The following STIM2 variants were observed in gnomAD, a reference collection of about 807,000 sequenced individuals.
STIM2 encodes the protein stromal interaction molecule 2.
Under a neutral mutation model 85.8 loss-of-function variants are expected in STIM2, and 31 were observed. The observed-to-expected ratio is 0.36, with a 90% CI of 0.27 to 0.49. The LOEUF is 0.49. STIM2 is among the 20% of genes least tolerant of loss of function. The pLI is 0.98. For missense variants in STIM2, 841 were observed against 927.6 expected (o/e 0.91, Z 1.21); for synonymous variants, 356 against 331.1 (o/e 1.08, Z -0.82).
chr4:26,994,327 A>G (rs1365250570), intron 3 of STIM2, among the ~76,000 whole-genome samples: 1 of 152,024 alleles, frequency 6.6e-6, no homozygotes, highest in East Asian at 1.9e-4. Context: ...AGTTAATGGT[A>G]GCACCCTCTG....
chr4:26,891,648 C>G (rs1723494079), intron 1 of STIM2, among the ~76,000 whole-genome samples: 2 of 151,988 alleles, frequency 1.3e-5, no homozygotes, highest in Non-Finnish European at 2.9e-5. Context: ...GACTGATACA[C>G]TCAGTAAATG....
At chr4:27,021,791 G>A (rs1728922427) in intron 11 of STIM2, among the ~76,000 whole-genome samples, 1 of 152,148 alleles carries the variant, frequency 6.6e-6, no homozygotes, top group Non-Finnish European at 1.5e-5. Flanking sequence ...GACATAATAA[G>A]GAATGGTGGA....
At chr4:26,890,779 C>A (rs913579300) in intron 1 of STIM2, among the ~76,000 whole-genome samples, 1 of 149,974 alleles carries the variant, frequency 6.7e-6, no homozygotes, top group Non-Finnish European at 1.5e-5. Flanking sequence ...AGCCGAGATC[C>A]CGCCACTGCA....
At chr4:27,003,299 G>GTTAC (rs1728221756) in intron 7 of STIM2, among the ~76,000 whole-genome samples, 195 bp downstream of exon 7, 1 of 152,130 alleles carries the variant, frequency 6.6e-6, no homozygotes, top group Admixed American at 6.5e-5. Context: ...CTGAAAGATA[G>GTTAC]TTACCATCAT....
chr4:26,936,903 C>T (rs1725412583), intron 2 of STIM2, among the ~76,000 whole-genome samples: 1 of 152,184 alleles, frequency 6.6e-6, no homozygotes, highest in African/African-American at 2.4e-5. Flanking sequence ...CATCCTCCCA[C>T]CTCAGCCTTC....
intron 5 of STIM2, among the ~76,000 whole-genome samples, chr4:27,000,082 A>G (rs9998971): frequency 0.35 from 52,501 of 151,706 alleles, 9,343 homozygotes; most frequent in East Asian, 0.62. Flanking sequence ...AAAGTATAAC[A>G]AAATTAATAC....
intron 1 of STIM2, among the ~76,000 whole-genome samples, chr4:26,906,212 G>A (rs893703217): frequency 6.6e-6 from 1 of 152,038 alleles, no homozygotes; most frequent in Non-Finnish European, 1.5e-5. Context: ...ACTTATAAGC[G>A]GGAGCTAAAC....
chr4:26,956,594 A>G (rs1183474543), intron 2 of STIM2, among the ~76,000 whole-genome samples: 1 of 152,052 alleles, frequency 6.6e-6, no homozygotes, highest in East Asian at 1.9e-4. Context: ...AAGTAAGATT[A>G]ATAGAAGGTA....
chr4:26,968,240 T>TCA (rs1347717229), intron 3 of STIM2, among the ~76,000 whole-genome samples: 6 of 151,648 alleles, frequency 4.0e-5, no homozygotes, highest in Non-Finnish European at 5.9e-5. Context: ...ACATGCACAC[T>TCA]CACACACACA....
At chr4:26,950,989 A>G (rs1726028250) in intron 2 of STIM2, among the ~76,000 whole-genome samples, 1 of 152,176 alleles carries the variant, frequency 6.6e-6, no homozygotes, top group African/African-American at 2.4e-5. Context: ...ATCAAACTCA[A>G]CTGATGTAAT....
intron 8 of STIM2, chr4:27,008,152 CT>C (rs1728435020): frequency 8.5e-6 from 5 of 586,658 alleles, no homozygotes; most frequent in Non-Finnish European, 1.5e-5. Flanking sequence ...TCTTCTGTTA[CT>C]TTTAGTACAA....
At chr4:26,866,038 A>C (rs1050594246) in intron 1 of STIM2, among the ~76,000 whole-genome samples, 2 of 151,684 alleles carry the variant, frequency 1.3e-5, no homozygotes, top group African/African-American at 4.8e-5. Context: ...TTAGATTCCA[A>C]CTTTTATTTT....
chr4:26,881,273 C>G (rs1389020223), intron 1 of STIM2, among the ~76,000 whole-genome samples: 5 of 152,050 alleles, frequency 3.3e-5, no homozygotes, highest in Non-Finnish European at 7.4e-5. Flanking sequence ...TGAGACCAGC[C>G]TGGCCAATAT....
intron 2 of STIM2, among the ~76,000 whole-genome samples, chr4:26,921,166 A>G (rs930167316): frequency 6.6e-6 from 1 of 152,210 alleles, no homozygotes; most frequent in Non-Finnish European, 1.5e-5. Context: ...CAGTGGAGGC[A>G]GAGATTAGTT....
chr4:26,881,838 A>G (rs962556320), intron 1 of STIM2, among the ~76,000 whole-genome samples: 6 of 152,350 alleles, frequency 3.9e-5, no homozygotes, highest in African/African-American at 1.4e-4. Context: ...TTCTTTAAAA[A>G]ATATTGTTGT....
intron 1 of STIM2, among the ~76,000 whole-genome samples, chr4:26,863,318 A>G (rs1722287452): frequency 6.6e-6 from 1 of 152,150 alleles, no homozygotes; most frequent in Non-Finnish European, 1.5e-5. Flanking sequence ...CTTTTGTCAG[A>G]ATATTGATTT....
chr4:26,998,844 G>A (rs760934819), intron 4 of STIM2, among the ~76,000 whole-genome samples: 11 of 151,414 alleles, frequency 7.3e-5, no homozygotes, highest in East Asian at 1.9e-4. Context: ...CCCGGGAGGC[G>A]GAGGTTGCAG....
At chr4:26,970,535 G>C (rs1299737802) in intron 3 of STIM2, among the ~76,000 whole-genome samples, 3 of 151,838 alleles carry the variant, frequency 2.0e-5, no homozygotes, top group Non-Finnish European at 4.4e-5. Context: ...GAGAATGATG[G>C]TTCCCAGCTG....
chr4:26,975,645 C>T (rs868150500), intron 3 of STIM2, among the ~76,000 whole-genome samples: 67 of 152,258 alleles, frequency 4.4e-4, no homozygotes, highest in African/African-American at 1.6e-3. Flanking sequence ...CAGGAGCAGC[C>T]GCGTATATGA....
Sources: gnomAD v4.1 joint callset for allele counts (sites outside exome capture counted in the v4.1 genomes callset) on GRCh38, gnomAD v4.1.1 for gene constraint, MANE v1.5 for transcripts, NCBI Gene and HGNC (gene_info 2026-07-23, HGNC 2026-07-21) for gene names.